ERC1: variants seen among roughly 807,000 people sequenced by gnomAD.
ERC1 encodes ELKS/RAB6-interacting/CAST family member 1.
Under a neutral mutation model 132.0 loss-of-function variants are expected in ERC1, and 56 were observed. The observed-to-expected ratio is 0.42, with a 90% confidence interval of 0.34 to 0.53. ERC1 has a LOEUF of 0.53. Ranked by LOEUF, ERC1 falls within the 20% of genes least tolerant of loss-of-function variation. The pLI is 0.03. For missense variants in ERC1, 1,202 were observed against 1,349.9 expected (o/e 0.89, Z 1.72); for synonymous variants, 478 against 476.1 (o/e 1.00, Z -0.05).
intron 2 of ERC1, among the ~76,000 whole-genome samples, chr12:1,032,775 C>G (rs76336086): frequency 0.014 from 2,097 of 152,238 alleles, 46 homozygotes; most frequent in African/African-American, 0.048. Context: ...ATTTGCATTG[C>G]ACTACCAAGT....
At chr12:1,392,298 G>C (rs1477722504) in intron 16 of ERC1, among the ~76,000 whole-genome samples, 2 of 152,196 alleles carry the variant, frequency 1.3e-5, no homozygotes, top group African/African-American at 4.8e-5. Flanking sequence ...AATTTGATCA[G>C]ATCTCATGAG....
chr12:1,117,231 G>C (rs1296549688), intron 7 of ERC1, among the ~76,000 whole-genome samples: 1 of 152,118 alleles, frequency 6.6e-6, no homozygotes, highest in Admixed American at 6.6e-5. Context: ...AAAAAGGAAT[G>C]AGGAGGAAAA....
intron 6 of ERC1, among the ~76,000 whole-genome samples, chr12:1,114,423 C>T (rs967864770): frequency 9.9e-5 from 15 of 152,260 alleles, no homozygotes; most frequent in Admixed American, 2.6e-4. Flanking sequence ...GATGACGAAA[C>T]AGATTTTTAT....
chr12:1,196,103 G>T (rs566080767), intron 12 of ERC1, among the ~76,000 whole-genome samples: 2 of 152,078 alleles, frequency 1.3e-5, no homozygotes, highest in South Asian at 2.1e-4. Context: ...GCTGATTTTG[G>T]TTCTTTTAAA....
At chr12:1,000,989 C>T (rs1038271837) in intron 1 of ERC1, among the ~76,000 whole-genome samples, 3 of 152,088 alleles carry the variant, frequency 2.0e-5, no homozygotes, top group African/African-American at 7.2e-5. Context: ...CGTCTCACGG[C>T]ACCTCCCAGG....
intron 18 of ERC1, among the ~76,000 whole-genome samples, chr12:1,472,013 G>C (rs2093872426): frequency 6.6e-6 from 1 of 152,110 alleles, no homozygotes; most frequent in South Asian, 2.1e-4. Flanking sequence ...TTAGAGAATG[G>C]GACTAGTAGT....
intron 7 of ERC1, 96 bp downstream of exon 7, chr12:1,116,129 T>C: frequency 9.6e-7 from 1 of 1,044,536 alleles, no homozygotes; most frequent in South Asian, 1.7e-5. Context: ...AATTGGGAAA[T>C]ATGAGTAATG....
intron 15 of ERC1, among the ~76,000 whole-genome samples, chr12:1,344,792 A>G (rs1402138283): frequency 6.6e-6 from 1 of 152,204 alleles, no homozygotes; most frequent in African/African-American, 2.4e-5. Flanking sequence ...TTAAGTTTAC[A>G]CATTTATATT....
At chr12:1,198,319 A>G (rs974576310) in intron 12 of ERC1, among the ~76,000 whole-genome samples, 3 of 152,210 alleles carry the variant, frequency 2.0e-5, no homozygotes, top group African/African-American at 7.2e-5. Context: ...TTGGAAGGCT[A>G]ATAAGTAATT....
chr12:1,373,114 CT>C (rs34116378), intron 16 of ERC1, among the ~76,000 whole-genome samples: 11 of 152,100 alleles, frequency 7.2e-5, no homozygotes. Flanking sequence ...TCCTAAAATA[CT>C]TTTTAGCAAG....
chr12:1,154,288 T>A (rs985278963), intron 8 of ERC1, among the ~76,000 whole-genome samples: 1 of 148,444 alleles, frequency 6.7e-6, no homozygotes, highest in Non-Finnish European at 1.5e-5. Context: ...CATGTATATA[T>A]ACACACACAC....
At chr12:1,294,526 C>G (rs1290800391) in intron 15 of ERC1, among the ~76,000 whole-genome samples, 1 of 152,144 alleles carries the variant, frequency 6.6e-6, no homozygotes, top group East Asian at 1.9e-4. Flanking sequence ...ATGTGCTTAC[C>G]TGTGTAGGGA....
intron 17 of ERC1, among the ~76,000 whole-genome samples, chr12:1,417,946 T>C (rs2092204834): frequency 6.6e-6 from 1 of 152,216 alleles, no homozygotes; most frequent in Non-Finnish European, 1.5e-5. Flanking sequence ...CATGTTTTCA[T>C]TGAAACCAAT....
intron 16 of ERC1, among the ~76,000 whole-genome samples, chr12:1,398,124 C>T (rs979080208): frequency 5.3e-5 from 8 of 151,908 alleles, no homozygotes; most frequent in African/African-American, 1.2e-4. Flanking sequence ...GCTGGGACTG[C>T]GGGCACATGC....
At chr12:1,050,225 GA>G (rs1450779857) in intron 2 of ERC1, among the ~76,000 whole-genome samples, 2 of 152,168 alleles carry the variant, frequency 1.3e-5, no homozygotes, top group African/African-American at 2.4e-5. Flanking sequence ...GGCCAAAAAA[GA>G]AAGGATGGAA....
chr12:1,336,057 G>T (rs1444189856), intron 15 of ERC1, among the ~76,000 whole-genome samples: 3 of 152,058 alleles, frequency 2.0e-5, no homozygotes, highest in African/African-American at 7.2e-5. Flanking sequence ...GCATAAAGTT[G>T]TTCATATATT....
chr12:1,397,279 CTT>C (rs1280365967), intron 16 of ERC1, among the ~76,000 whole-genome samples: 3 of 152,188 alleles, frequency 2.0e-5, no homozygotes, highest in African/African-American at 7.2e-5. Flanking sequence ...TGTGCGTTGA[CTT>C]TGTGACCCAG....
intron 15 of ERC1, among the ~76,000 whole-genome samples, chr12:1,327,225 T>A (rs990270011): frequency 6.7e-6 from 1 of 149,444 alleles, no homozygotes; most frequent in South Asian, 2.1e-4. Context: ...ATACTAGACA[T>A]TTCTATTAAA....
rs1326722348 is a variant in ERC1, at chr12:1,418,641, T to TTC, written c.3024+10414_3024+10415dup. On this transcript the variant is annotated intron_variant, in intron 17 of 18. Transcript: ENST00000360905. ...TTTCTTTCTTTCTTTCTTTCTTTCT[T>TTC]TCTCTCTCTCTCTCTCTCTCTTTCT... 2.4e-4 allele frequency among the ~76,000 whole-genome samples: 19 copies of TTC among 78,900 alleles called. 1 individual carries two copies. The highest frequency in any genetic ancestry group is 1.4e-3 in the South Asian group (3 of 2,120). 51.8% of individuals were successfully genotyped at this position (78,900 alleles called of 152,430 possible).
Sources: gnomAD v4.1 joint callset for allele counts (sites outside exome capture counted in the v4.1 genomes callset) on GRCh38, gnomAD v4.1.1 for gene constraint, MANE v1.5 for transcripts, NCBI Gene and HGNC (gene_info 2026-07-23, HGNC 2026-07-21) for gene names.